FRMD4B: variants seen among roughly 807,000 people sequenced by gnomAD.
FRMD4B encodes FERM domain-containing protein 4B.
In FRMD4B, 74 loss-of-function variants were observed where a neutral mutation model predicts 141.5. That is an observed-to-expected ratio of 0.52 (90% CI 0.43 to 0.63). The LOEUF (loss-of-function observed/expected upper bound fraction) is 0.63, where lower values mean the gene tolerates loss of function less well. Among genes scored for constraint, FRMD4B ranks in the 30% least tolerant of loss-of-function variants. The pLI, the probability that FRMD4B is intolerant of heterozygous loss-of-function variation, is 0.00. For missense variants in FRMD4B, 1,366 were observed against 1,253.4 expected, an observed-to-expected ratio of 1.09 and a Z score of -1.36; for synonymous variants, 506 against 467.9, an observed-to-expected ratio of 1.08 and a Z score of -1.05.
rs780404940 is a variant in FRMD4B, at chr3:69,313,442, C to T, written c.228+10G>A. On this transcript the variant is annotated intron_variant, in intron 2 of 22. Coordinates refer to ENST00000398540, the MANE Select transcript of FRMD4B (RefSeq NM_015123.3). ...CTTATCTGGGCAACACACATGTGGG[C>T]CACACCTACCTGAACCAGCAGCTCC... The T allele has an allele frequency of 3.2e-6, 5 of 1,558,244 alleles. No individual in the cohort carries two copies. The highest frequency in any genetic ancestry group is 1.9e-5 in the Admixed American group (1 of 52,934).
At chr3:69,394,802 G>T (rs1704447259) in intron 2 of FRMD4B, among the ~76,000 whole-genome samples, 2 of 152,302 alleles carry the variant, frequency 1.3e-5, no homozygotes, top group East Asian at 3.9e-4. Context: ...TAAAGAAATT[G>T]TGGCAGATAA....
At chr3:69,409,349 A>G (rs1704714392) in intron 2 of FRMD4B, among the ~76,000 whole-genome samples, 1 of 152,184 alleles carries the variant, frequency 6.6e-6, no homozygotes, top group South Asian at 2.1e-4. Context: ...AAACTCATAC[A>G]ACCAGGAGAT....
chr3:69,180,662 A>C (rs988791147), intron 21 of FRMD4B, among the ~76,000 whole-genome samples: 2 of 152,148 alleles, frequency 1.3e-5, no homozygotes, highest in Admixed American at 1.3e-4. Flanking sequence ...ATGCTCAATC[A>C]ATGTTTGCTG....
At chr3:69,383,949 G>T (rs1163179588) in intron 1 of FRMD4B, among the ~76,000 whole-genome samples, 1 of 37,646 alleles carries the variant, frequency 2.7e-5, no homozygotes, top group Non-Finnish European at 6.6e-5. Context: ...AATAAGGAGT[G>T]GGGACTTATT....
intron 8 of FRMD4B, among the ~76,000 whole-genome samples, chr3:69,223,930 A>G (rs534025943): frequency 2.8e-4 from 42 of 152,336 alleles, no homozygotes; most frequent in African/African-American, 9.6e-4. Context: ...TACTTTCACT[A>G]TATATTTGGG....
At chr3:69,390,310 C>T (rs994558165), upstream of FRMD4B, among the ~76,000 whole-genome samples, 3 of 152,136 alleles carry the variant, frequency 2.0e-5, no homozygotes, top group African/African-American at 7.2e-5. Flanking sequence ...TGTGGGTAAA[C>T]TGACAGATCA....
chr3:69,487,090 C>G (rs963220518), intron 1 of FRMD4B, among the ~76,000 whole-genome samples: 1 of 152,080 alleles, frequency 6.6e-6, no homozygotes, highest in African/African-American at 2.4e-5. Flanking sequence ...ACACCCAAAC[C>G]TTGATGTGAT....
chr3:69,442,818 T>G (rs550150211), intron 1 of FRMD4B, among the ~76,000 whole-genome samples: 1 of 152,224 alleles, frequency 6.6e-6, no homozygotes, highest in East Asian at 1.9e-4. Flanking sequence ...AAACAGGCAG[T>G]GAGGAAATGG....
chr3:69,229,429 T>A (rs1346044374), intron 7 of FRMD4B, among the ~76,000 whole-genome samples: 1 of 152,126 alleles, frequency 6.6e-6, no homozygotes, highest in East Asian at 1.9e-4. Flanking sequence ...TTGCAAAATA[T>A]CCCTTGTGAA....
At chr3:69,433,349 T>A (rs897356568) in intron 1 of FRMD4B, among the ~76,000 whole-genome samples, 5 of 152,182 alleles carry the variant, frequency 3.3e-5, no homozygotes, top group African/African-American at 1.2e-4. Flanking sequence ...GAAGCTCCAC[T>A]TCAGTCAATA....
Position 69,311,262 on chromosome 3 carries a change from C to T in FRMD4B, c.323+1G>A, listed in dbSNP as rs1309136317. ...GAAACTAAAACTATTAAAGGACTTA[C>T]GTGTCATCTATGAATGTTATTCCAA... On this transcript the variant is annotated splice_donor_variant, in intron 3 of 22. Transcript: ENST00000398540. LOFTEE classifies it high-confidence loss of function. 2 of 1,401,728 alleles carry T rather than the reference C, an allele frequency of 1.4e-6. No homozygotes were observed. The highest frequency in any genetic ancestry group is 2.0e-6 in the Non-Finnish European group (2 of 988,972). 86.8% of individuals were successfully genotyped at this position (1,401,728 alleles called of 1,614,324 possible).
chr3:69,398,750 GAA>G (rs1285248796), intron 2 of FRMD4B, among the ~76,000 whole-genome samples: 3 of 152,190 alleles, frequency 2.0e-5, no homozygotes, highest in South Asian at 4.1e-4. Flanking sequence ...ATGGCTTTGA[GAA>G]AAAGAGTCCT....
At chr3:69,314,108 C>T (rs1701709308) in intron 1 of FRMD4B, among the ~76,000 whole-genome samples, 1 of 112,394 alleles carries the variant, frequency 8.9e-6, no homozygotes, top group Non-Finnish European at 1.7e-5. Context: ...CACTGCACTC[C>T]AGCCTGGGCG....
At chr3:69,330,340 C>CT (rs34238889) in intron 1 of FRMD4B, among the ~76,000 whole-genome samples, 1,217 of 42,952 alleles carry the variant, frequency 0.028, 11 homozygotes, top group East Asian at 0.044. Context: ...ATTCTTTTGC[C>CT]TTTTTTTTTT....
At chr3:69,453,662 A>G (rs1705535585) in intron 1 of FRMD4B, among the ~76,000 whole-genome samples, 2 of 152,126 alleles carry the variant, frequency 1.3e-5, no homozygotes, top group African/African-American at 4.8e-5. Context: ...AGTGGGGGAG[A>G]GATGGGCACA....
chr3:69,512,936 G>A (rs1036004133), intron 1 of FRMD4B, among the ~76,000 whole-genome samples: 1 of 152,114 alleles, frequency 6.6e-6, no homozygotes, highest in Non-Finnish European at 1.5e-5. Context: ...AGAGTTTGTA[G>A]CTGTAAATGC....
intron 1 of FRMD4B, among the ~76,000 whole-genome samples, chr3:69,322,106 T>C (rs1702019264): frequency 6.6e-6 from 1 of 152,190 alleles, no homozygotes; most frequent in Admixed American, 6.5e-5. Flanking sequence ...AAAAACACTC[T>C]TTCCACCCAG....
At chr3:69,302,577 C>A (rs570290459) in intron 3 of FRMD4B, 142 bp from the exon 4 acceptor site, 9 of 604,458 alleles carry the variant, frequency 1.5e-5, no homozygotes, top group South Asian at 1.0e-4. Flanking sequence ...GGTAATGAGA[C>A]CAACTCAGCA....
At chr3:69,363,835 G>A (rs1341473921) in intron 1 of FRMD4B, among the ~76,000 whole-genome samples, 4 of 152,184 alleles carry the variant, frequency 2.6e-5, no homozygotes, top group Admixed American at 2.0e-4. Context: ...CAAAACCAGT[G>A]TACTGAGGCA....
Sources: gnomAD v4.1 joint callset for allele counts (sites outside exome capture counted in the v4.1 genomes callset) on GRCh38, gnomAD v4.1.1 for gene constraint, MANE v1.5 for transcripts, NCBI Gene and HGNC (gene_info 2026-07-23, HGNC 2026-07-21) for gene names.